The following PRKCE variants were observed in gnomAD, a reference collection of about 807,000 sequenced individuals.
PRKCE encodes protein kinase C epsilon.
PRKCE carries 16 observed loss-of-function variants against 85.4 expected under a neutral mutation model. The observed-to-expected ratio is 0.19, with a 90% CI of 0.13 to 0.28. PRKCE has a LOEUF of 0.28. PRKCE is among the 10% of genes least tolerant of loss of function. The pLI is 1.00. For missense variants in PRKCE, 573 were observed against 975.2 expected (o/e 0.59, Z 5.49); for synonymous variants, 388 against 371.5 (o/e 1.04, Z -0.51).
chr2:46,095,199 G>A (rs78463066), intron 11 of PRKCE, among the ~76,000 whole-genome samples: 4,729 of 152,302 alleles, frequency 0.031, 126 homozygotes, highest in Non-Finnish European at 0.049. Flanking sequence ...CTTAGTTGGG[G>A]AACCTCAGAC....
At chr2:45,987,376 C>T (rs1181562617) in intron 6 of PRKCE, among the ~76,000 whole-genome samples, 2 of 152,308 alleles carry the variant, frequency 1.3e-5, no homozygotes, top group African/African-American at 4.8e-5. Context: ...CCAAAGTGTG[C>T]AGACTTTTAC....
intron 7 of PRKCE, among the ~76,000 whole-genome samples, chr2:46,003,412 A>C (rs989995609): frequency 2.6e-5 from 4 of 152,258 alleles, no homozygotes; most frequent in Non-Finnish European, 5.9e-5. Flanking sequence ...GCGAAGGAAC[A>C]AACCTCACTG....
intron 2 of PRKCE, among the ~76,000 whole-genome samples, chr2:45,934,984 G>C (rs768857364): frequency 1.3e-5 from 2 of 151,420 alleles, no homozygotes; most frequent in Non-Finnish European, 2.9e-5. Flanking sequence ...TTGCTTGATC[G>C]TGGGAGGTTG....
intron 13 of PRKCE, among the ~76,000 whole-genome samples, chr2:46,156,532 G>A (rs972796631): frequency 6.6e-6 from 1 of 152,232 alleles, no homozygotes; most frequent in Admixed American, 6.5e-5. Context: ...AGGAAGGAGA[G>A]AAGGGATTTT....
chr2:45,936,707 A>G (rs544124066), intron 2 of PRKCE, among the ~76,000 whole-genome samples: 2 of 152,234 alleles, frequency 1.3e-5, no homozygotes, highest in African/African-American at 4.8e-5. Context: ...TCTTGTTATT[A>G]TTTCTTAACA....
chr2:45,666,553 C>T lies in PRKCE; in HGVS notation c.348+14105C>T, dbSNP rs185062369. 3.9e-5 allele frequency among the ~76,000 whole-genome samples: 6 copies of T among 152,052 alleles called. No individual in the cohort carries two copies. The East Asian group carries it at 7.8e-4, about 20-fold the overall frequency. On this transcript the variant is annotated intron_variant, in intron 1 of 14. Coordinates refer to ENST00000306156, the MANE Select transcript of PRKCE (RefSeq NM_005400.3). ...TTCTATCCCTTCTTTGTGCTCTGCT[C>T]TCCCATATCCCCATCCCTGGGATAC... is the stretch of plus-strand genomic sequence containing the variant.
At chr2:46,119,493 T>C (rs1468300408) in intron 11 of PRKCE, among the ~76,000 whole-genome samples, 1 of 152,084 alleles carries the variant, frequency 6.6e-6, no homozygotes, top group Non-Finnish European at 1.5e-5. Flanking sequence ...CTAAATATGG[T>C]TTATTGGCCC....
chr2:45,724,419 A>G (rs1382448971), intron 1 of PRKCE, among the ~76,000 whole-genome samples: 2 of 152,136 alleles, frequency 1.3e-5, no homozygotes, highest in African/African-American at 4.8e-5. Context: ...TCTGAGACAA[A>G]ATGATATTGA....
At chr2:45,779,560 C>T (rs1234615533) in intron 1 of PRKCE, among the ~76,000 whole-genome samples, 1 of 148,436 alleles carries the variant, frequency 6.7e-6, no homozygotes, top group Non-Finnish European at 1.5e-5. Context: ...AAGTAAGACT[C>T]GTTTGATGGA....
chr2:46,045,183 T>C (rs1029601096), intron 10 of PRKCE, among the ~76,000 whole-genome samples: 7 of 152,168 alleles, frequency 4.6e-5, no homozygotes, highest in African/African-American at 1.4e-4. Context: ...AGGAATTCCA[T>C]TGGGGAACAT....
At chr2:46,051,580 T>C (rs894309995) in intron 10 of PRKCE, among the ~76,000 whole-genome samples, 1 of 152,224 alleles carries the variant, frequency 6.6e-6, no homozygotes, top group Non-Finnish European at 1.5e-5. Flanking sequence ...AGCACCCGCT[T>C]TGAAGGCATG....
chr2:45,723,985 TC>T (rs1184725331), intron 1 of PRKCE, among the ~76,000 whole-genome samples: 2 of 152,212 alleles, frequency 1.3e-5, no homozygotes, highest in Non-Finnish European at 2.9e-5. Context: ...CTTTCAGCTC[TC>T]ATTTTGAGCA....
chr2:45,702,081 C>T (rs1239107628), intron 1 of PRKCE, among the ~76,000 whole-genome samples: 3 of 152,110 alleles, frequency 2.0e-5, no homozygotes, highest in East Asian at 1.9e-4. Context: ...CCTAGCTACT[C>T]AGGGGGCTGA....
chr2:45,823,873 C>T (rs1484538193), intron 1 of PRKCE, among the ~76,000 whole-genome samples: 2 of 152,264 alleles, frequency 1.3e-5, no homozygotes, highest in African/African-American at 4.8e-5. Context: ...GCAGAGCTTT[C>T]GCAGAGGCCT....
intron 1 of PRKCE, among the ~76,000 whole-genome samples, chr2:45,753,633 C>T (rs1054713929): frequency 1.3e-5 from 2 of 152,220 alleles, no homozygotes; most frequent in Admixed American, 1.3e-4. Flanking sequence ...CTGCTGCGCC[C>T]ATAGCATTCT....
intron 1 of PRKCE, among the ~76,000 whole-genome samples, chr2:45,795,714 G>A (rs1044983558): frequency 6.6e-6 from 1 of 152,214 alleles, no homozygotes; most frequent in African/African-American, 2.4e-5. Context: ...AACTGGCTCT[G>A]TGGGCCCTGG....
intron 1 of PRKCE, among the ~76,000 whole-genome samples, chr2:45,813,236 C>T (rs937412154): frequency 1.2e-4 from 18 of 152,286 alleles, no homozygotes; most frequent in Admixed American, 8.5e-4. Context: ...CAGCTGCCTC[C>T]AAGGGCCTGG....
At chr2:45,885,002 T>TTGTTGTTG (rs1553440408) in intron 2 of PRKCE, among the ~76,000 whole-genome samples, 1 of 97,666 alleles carries the variant, frequency 1.0e-5, no homozygotes, top group East Asian at 2.9e-4. Flanking sequence ...TATATATATA[T>TTGTTGTTG]TTGTTGTTGT....
rs537698968 is a variant in PRKCE, at chr2:46,102,067, C to T, written c.1592+15705C>T. On this transcript the variant is annotated intron_variant, in intron 11 of 14. Transcript: ENST00000306156. ...GCGGGAAAGGTGATTGTGCGTGTCT[C>T]TTCCCCATTCTGTGTTCAGTCACAT... Among the ~76,000 whole-genome samples, 20 of 152,218 alleles carry T rather than the reference C, an allele frequency of 1.3e-4. 1 individual carries two copies. In the South Asian group the frequency reaches 4.1e-3, roughly 32 times the overall value.
Sources: allele counts gnomAD v4.1 joint callset (sites outside exome capture counted in the v4.1 genomes callset), GRCh38; gene constraint gnomAD v4.1.1; transcripts MANE v1.5; gene names NCBI Gene and HGNC (gene_info 2026-07-23, HGNC 2026-07-21).